Variants in GRK5 observed in about 807,000 individuals in gnomAD.
GRK5 encodes the protein g protein-coupled receptor kinase GRK5.
In GRK5, 40 loss-of-function variants were observed where a neutral mutation model predicts 78.4. The ratio of observed to expected loss-of-function variants is 0.51; its 90% CI spans 0.40 to 0.66. GRK5 has a LOEUF of 0.66. Ranked by LOEUF, GRK5 falls within the 30% of genes least tolerant of loss-of-function variation. The pLI, the probability that GRK5 is intolerant of heterozygous loss-of-function variation, is 0.00. For missense variants in GRK5, 598 were observed against 759.9 expected (o/e 0.79, Z 2.50); for synonymous variants, 289 against 296.8 (o/e 0.97, Z 0.27).
chr10:119,438,666 T>C (rs1054481549), intron 9 of GRK5, among the ~76,000 whole-genome samples: 1 of 152,212 alleles, frequency 6.6e-6, no homozygotes, highest in Non-Finnish European at 1.5e-5. Context: ...CAGTGCCTCC[T>C]CCCTGGCTGT....
intron 1 of GRK5, among the ~76,000 whole-genome samples, chr10:119,209,381 G>GT (rs1848443909): frequency 6.6e-6 from 1 of 151,692 alleles, no homozygotes; most frequent in African/African-American, 2.4e-5. Flanking sequence ...AAATATTCAG[G>GT]TTAGTCTCCC....
chr10:119,401,712 G>A (rs10886475), intron 4 of GRK5, among the ~76,000 whole-genome samples: 41,929 of 152,068 alleles, frequency 0.28, 5,895 homozygotes, highest in East Asian at 0.39. Context: ...CACCTTCTCC[G>A]TGCCTTCAAA....
intron 4 of GRK5, among the ~76,000 whole-genome samples, chr10:119,405,068 T>G (rs1054372132): frequency 6.6e-6 from 1 of 152,190 alleles, no homozygotes; most frequent in African/African-American, 2.4e-5. Flanking sequence ...CCGCAATTAC[T>G]AAGGTCTGGC....
At chr10:119,358,627 G>A (rs1851306052) in intron 2 of GRK5, among the ~76,000 whole-genome samples, 1 of 152,176 alleles carries the variant, frequency 6.6e-6, no homozygotes, top group African/African-American at 2.4e-5. Flanking sequence ...CCCCATTTTA[G>A]AGACCAGGAA....
intron 1 of GRK5, among the ~76,000 whole-genome samples, chr10:119,221,784 A>C (rs139596448): frequency 2.6e-5 from 4 of 152,272 alleles, no homozygotes; most frequent in Admixed American, 2.6e-4. Flanking sequence ...AGGGATGTAC[A>C]ATGTAGATTT....
intron 2 of GRK5, among the ~76,000 whole-genome samples, chr10:119,362,533 T>C (rs1290930882): frequency 6.6e-6 from 1 of 152,266 alleles, no homozygotes; most frequent in African/African-American, 2.4e-5. Flanking sequence ...TAACTCTTCA[T>C]AAAATGTCCT....
At chr10:119,233,482 G>A (rs77119109) in intron 1 of GRK5, among the ~76,000 whole-genome samples, 3,110 of 152,230 alleles carry the variant, frequency 0.02, 76 homozygotes, top group South Asian at 0.062. Flanking sequence ...GAATAAAGGC[G>A]GCATAGCACG....
chr10:119,297,303 C>T (rs573403596), intron 1 of GRK5, among the ~76,000 whole-genome samples: 1 of 152,136 alleles, frequency 6.6e-6, no homozygotes, highest in Non-Finnish European at 1.5e-5. Context: ...GAAAGTTTGG[C>T]GAATGTTAGT....
chr10:119,436,559 C>T, intron 8 of GRK5, 92 bp from the exon 9 acceptor site: 1 of 1,315,420 alleles, frequency 7.6e-7, no homozygotes, highest in Non-Finnish European at 1.1e-6. Flanking sequence ...CCTCTGTTCC[C>T]TCACACCCCA....
At chr10:119,369,601 A>T (rs2901211) in intron 2 of GRK5, among the ~76,000 whole-genome samples, 2 of 152,150 alleles carry the variant, frequency 1.3e-5, no homozygotes, top group Admixed American at 1.3e-4. Context: ...ACTCAAAAAT[A>T]TGGAAAAATA....
In GRK5 at chr10:119,412,828, C is replaced by T. The variant is rs1220333540; in HGVS notation, c.340-10338C>T. Reference sequence around the variant, plus strand: ...TGCAAGCCAGGGTTTAGGGTTGGAACAGCCCCCATTCGCCCCACCACCCTC... The same window carrying T: ...TGCAAGCCAGGGTTTAGGGTTGGAATAGCCCCCATTCGCCCCACCACCCTC... On this transcript the variant is annotated intron_variant, in intron 4 of 15. Transcript: ENST00000392870. This position sits in a 1 kb window ranked among gnomAD's most constrained non-coding sequence, Gnocchi z 4.3. Among the ~76,000 whole-genome samples, 1 of 152,168 alleles carries T rather than the reference C, an allele frequency of 6.6e-6. No individual in the cohort carries two copies. The highest frequency in any genetic ancestry group is 1.9e-4 in the East Asian group (1 of 5,192).
intron 2 of GRK5, among the ~76,000 whole-genome samples, chr10:119,346,162 G>T (rs1380753609): frequency 6.6e-6 from 1 of 152,198 alleles, no homozygotes; most frequent in Non-Finnish European, 1.5e-5. Flanking sequence ...GGGCTCTGCG[G>T]GAGCCCAGAA....
intron 12 of GRK5, 27 bp downstream of exon 12, chr10:119,443,779 C>T: frequency 1.3e-6 from 2 of 1,566,284 alleles, no homozygotes; most frequent in Non-Finnish European, 1.7e-6. Flanking sequence ...CAGATGCCAC[C>T]CTCAAGCTGG....
intron 1 of GRK5, among the ~76,000 whole-genome samples, chr10:119,261,040 C>A (rs1361825102): frequency 4.2e-5 from 5 of 117,670 alleles, no homozygotes; most frequent in Non-Finnish European, 5.6e-5. Flanking sequence ...GGGGGCTGAC[C>A]CCCCCACCTC....
At position 119,253,418 on chromosome 10, in the gene GRK5, C is replaced by G. The variant is rs2133756304; in HGVS notation, c.52+45449C>G. ...GGAGAAGAGGGACAAGCCAGCCTCC[C>G]CACCACCCCTGCCCTCCGTTCCTTT... On this transcript the variant is annotated intron_variant, in intron 1 of 15. Transcript: ENST00000392870. The surrounding 1 kb of genome is among the most constrained non-coding windows in gnomAD (Gnocchi z 5.7). 6.6e-6 allele frequency among the ~76,000 whole-genome samples: 1 copy of G among 152,324 alleles called. No homozygotes were observed.
intron 1 of GRK5, among the ~76,000 whole-genome samples, chr10:119,312,449 C>T (rs775065755): frequency 1.1e-4 from 17 of 152,142 alleles, no homozygotes; most frequent in Non-Finnish European, 2.2e-4. Context: ...AGCTGCACCT[C>T]GAGAGCCCAA....
At chr10:119,424,528 C>A (rs1365799054) in intron 5 of GRK5, among the ~76,000 whole-genome samples, 2 of 152,208 alleles carry the variant, frequency 1.3e-5, no homozygotes, top group Admixed American at 6.5e-5. Flanking sequence ...AGCTGCGGTT[C>A]TGAGGGGCTG....
At chr10:119,381,679 C>T (rs564129010) in intron 3 of GRK5, among the ~76,000 whole-genome samples, 64 of 152,228 alleles carry the variant, frequency 4.2e-4, no homozygotes, top group African/African-American at 1.4e-3. Context: ...GGTTTCTATC[C>T]GAGGAAGGAG....
At position 119,412,386 on chromosome 10, in the gene GRK5, G is replaced by C. The variant is rs535693853; in HGVS notation, c.340-10780G>C. Among the ~76,000 whole-genome samples, 58 of 152,322 alleles carry C rather than the reference G, an allele frequency of 3.8e-4. No homozygotes were observed. Among genetic ancestry groups the C allele is most frequent in the South Asian group, 1.2e-3 (6 of 4,822 alleles). On this transcript the variant is annotated intron_variant, in intron 4 of 15. Coordinates refer to ENST00000392870, the MANE Select transcript of GRK5 (RefSeq NM_005308.3). This position sits in a 1 kb window ranked among gnomAD's most constrained non-coding sequence, Gnocchi z 4.3. The stretch of plus-strand genomic sequence containing the variant: ...ACGAGGACACCCCGGTGAAGAGCTG[G>C]GCGTGCTTGGGCCGAGGGCTGCTGG...
Sources: gnomAD v4.1 joint callset for allele counts (sites outside exome capture counted in the v4.1 genomes callset) on GRCh38, gnomAD v4.1.1 for gene constraint, Gnocchi (gnomAD v3.1) non-coding constraint, MANE v1.5 for transcripts, NCBI Gene and HGNC (gene_info 2026-07-23, HGNC 2026-07-21) for gene names.